The following BCL11B variants were observed in gnomAD, a reference collection of about 807,000 sequenced individuals.
The protein encoded by BCL11B is B-cell lymphoma/leukemia 11B.
Under a neutral mutation model 49.9 loss-of-function variants are expected in BCL11B, and 8 were observed. The ratio of observed to expected loss-of-function variants is 0.16; its 90% CI spans 0.09 to 0.29. The LOEUF (loss-of-function observed/expected upper bound fraction) is 0.29. Ranked by LOEUF, BCL11B falls within the 10% of genes least tolerant of loss-of-function variation. The pLI is 1.00. For synonymous variants in BCL11B, 739 were observed against 637.4 expected (o/e 1.16, Z -2.40); for missense variants, 1,006 against 1,351.0 (o/e 0.74, Z 4.00).
At chr14:99,240,294 A>C (rs1888623693) in intron 2 of BCL11B, among the ~76,000 whole-genome samples, 2 of 152,262 alleles carry the variant, frequency 1.3e-5, no homozygotes, top group Admixed American at 1.3e-4. Context: ...ATAGAATTAT[A>C]GGCAATTGAT....
At chr14:99,204,455 G>T (rs956007002) in intron 3 of BCL11B, among the ~76,000 whole-genome samples, 1 of 152,178 alleles carries the variant, frequency 6.6e-6, no homozygotes, top group Non-Finnish European at 1.5e-5. Flanking sequence ...TTGGGGTAGG[G>T]GGGAGGGAGG....
intron 2 of BCL11B, among the ~76,000 whole-genome samples, chr14:99,246,069 G>GC (rs1016181822): frequency 1.9e-4 from 28 of 147,620 alleles, no homozygotes; most frequent in African/African-American, 6.4e-4. Context: ...CATGCCCCCC[G>GC]CCCCCCAAAG....
chr14:99,227,623 C>T (rs1888195820), intron 3 of BCL11B, among the ~76,000 whole-genome samples: 2 of 152,198 alleles, frequency 1.3e-5, no homozygotes, highest in Admixed American at 1.3e-4. Flanking sequence ...CAGCTCCACA[C>T]TGACCTGTCT....
At chr14:99,224,532 C>T (rs17098426) in intron 3 of BCL11B, among the ~76,000 whole-genome samples, 2,410 of 152,278 alleles carry the variant, frequency 0.016, 32 homozygotes, top group South Asian at 0.059. Context: ...AGAGCTAAGT[C>T]GTCACTGGGG....
At chr14:99,267,336 G>GA (rs1288245706) in intron 1 of BCL11B, among the ~76,000 whole-genome samples, 1 of 152,086 alleles carries the variant, frequency 6.6e-6, no homozygotes, top group South Asian at 2.1e-4. Flanking sequence ...TTCAGGTAGG[G>GA]AAAAAAGACC....
intron 3 of BCL11B, among the ~76,000 whole-genome samples, chr14:99,188,773 G>C (rs1453784401): frequency 6.6e-6 from 1 of 152,244 alleles, no homozygotes; most frequent in African/African-American, 2.4e-5. Context: ...GGGAGCCCCA[G>C]CTGTACCACC....
chr14:99,225,812 G>A (rs1888143067), intron 3 of BCL11B, among the ~76,000 whole-genome samples: 1 of 152,206 alleles, frequency 6.6e-6, no homozygotes, highest in Admixed American at 6.5e-5. Context: ...GGAATCTGGC[G>A]AGGCTGCAGC....
chr14:99,262,708 A>G lies in BCL11B; in HGVS notation c.59-4869T>C, dbSNP rs73342800. ...CCATAATCTACGAAGAGATCTTTTC[A>G]TCTCCTCTCCGTGAACACTTGGGGA... is the stretch of plus-strand genomic sequence containing the variant. On this transcript the variant is annotated intron_variant, in intron 1 of 3. Coordinates refer to ENST00000357195, the MANE Select transcript of BCL11B (RefSeq NM_138576.4). The surrounding 1 kb of genome is among the most constrained non-coding windows in gnomAD (Gnocchi z 4.2). 9.7e-3 allele frequency among the ~76,000 whole-genome samples: 1,478 copies of G among 152,204 alleles called. 19 individuals are homozygous for G. The highest frequency in any genetic ancestry group is 0.034 in the African/African-American group (1,418 of 41,524).
In BCL11B at chr14:99,184,958, G is replaced by A. The variant is rs1886810563; in HGVS notation, c.641-8763C>T. 1.3e-5 allele frequency among the ~76,000 whole-genome samples: 2 copies of A among 152,098 alleles called. No homozygotes were observed. Among genetic ancestry groups the A allele is most frequent in the South Asian group, 4.1e-4 (2 of 4,828 alleles). ...TGGGCCTACACCCCTCAAACAAAGA[G>A]CCCCAGCATTCCCCTTGACAGCCAG... On this transcript the variant is annotated intron_variant, in intron 3 of 3. Transcript: ENST00000357195. The surrounding 1 kb of genome is among the most constrained non-coding windows in gnomAD (Gnocchi z 6.1).
At chr14:99,225,030 C>G (rs1311874364) in intron 3 of BCL11B, among the ~76,000 whole-genome samples, 1 of 152,174 alleles carries the variant, frequency 6.6e-6, no homozygotes, top group East Asian at 1.9e-4. Context: ...GTCCAAGGCA[C>G]CCAACGTGGG....
Position 99,231,699 on chromosome 14 carries a change from A to T in BCL11B, c.428-142T>A. 1 of 639,760 alleles carries T rather than the reference A, an allele frequency of 1.6e-6. No homozygotes were observed. 39.6% of individuals were successfully genotyped at this position (639,760 alleles called of 1,614,324 possible). On this transcript the variant is annotated intron_variant, in intron 2 of 3. Transcript: ENST00000357195. The surrounding 1 kb of genome is among the most constrained non-coding windows in gnomAD (Gnocchi z 8.1). ...AGGCCCCCGGGGTGCCAGGCCCTGC[A>T]GGGAAGGCAATCGGGACACAGGCGA... is the stretch of plus-strand genomic sequence containing the variant.
chr14:99,174,592 G>A lies in BCL11B; in HGVS notation c.2244C>T (p.Gly748=). 6.5e-7 allele frequency: 1 copy of A among 1,529,058 alleles called. No individual in the cohort carries two copies. 94.7% of individuals were successfully genotyped at this position (1,529,058 alleles called of 1,614,324 possible). Residue 748 remains glycine (G), a synonymous_variant, in exon 4 of 4, where the codon GGC becomes GGT. Coordinates refer to ENST00000357195, the MANE Select transcript of BCL11B (RefSeq NM_138576.4). Reference sequence around the variant, plus strand: ...CGGGCGGCGTGGAGAAGCGCAGGCTGCCGTTCTCGGACGAGTGCTCGGACG... The same window carrying A: ...CGGGCGGCGTGGAGAAGCGCAGGCTACCGTTCTCGGACGAGTGCTCGGACG... ...ATSSEHSSEN[G]SLRFSTPPGD...
chr14:99,239,615 G>T (rs1888604287), intron 2 of BCL11B, among the ~76,000 whole-genome samples: 1 of 152,126 alleles, frequency 6.6e-6, no homozygotes, highest in South Asian at 2.1e-4. Context: ...TTCAGATTGG[G>T]TGCCTACAGT....
At position 99,247,792 on chromosome 14, in the gene BCL11B, C is replaced by T. The variant is rs867558993; in HGVS notation, c.427+9679G>A. On this transcript the variant is annotated intron_variant, in intron 2 of 3. Transcript: ENST00000357195. This position sits in a 1 kb window ranked among gnomAD's most constrained non-coding sequence, Gnocchi z 4.5. ...TGCCTCTGGATTCATCTTCAGCAGA[C>T]GCTGACCCACGCACCTGTTTGCCTG... 5.3e-5 allele frequency among the ~76,000 whole-genome samples: 8 copies of T among 152,194 alleles called. No individual in the cohort carries two copies. The highest frequency in any genetic ancestry group is 1.4e-4 in the African/African-American group (6 of 41,450).
intron 1 of BCL11B, among the ~76,000 whole-genome samples, chr14:99,260,699 G>C (rs1208558240): frequency 6.7e-6 from 1 of 148,572 alleles, no homozygotes; most frequent in Non-Finnish European, 1.5e-5. Context: ...TCCTTTTTTT[G>C]GCAGTCTCTG....
intron 2 of BCL11B, among the ~76,000 whole-genome samples, chr14:99,252,684 C>T (rs982087597): frequency 6.6e-6 from 1 of 152,264 alleles, no homozygotes; most frequent in East Asian, 1.9e-4. Flanking sequence ...TCTGCCACCT[C>T]CTGTCACCTG....
chr14:99,198,528 T>G, intron 3 of BCL11B, among the ~76,000 whole-genome samples: 1 of 152,148 alleles, frequency 6.6e-6, no homozygotes, highest in Non-Finnish European at 1.5e-5. Context: ...CACTCTCTTT[T>G]CCATGATTAT....
intron 3 of BCL11B, among the ~76,000 whole-genome samples, chr14:99,208,131 C>T (rs1887587250): frequency 1.3e-5 from 2 of 152,180 alleles, no homozygotes; most frequent in Admixed American, 6.5e-5. Context: ...ATGCATGTTG[C>T]AATGAGGAGT....
At chr14:99,204,280 G>A (rs1187704307) in intron 3 of BCL11B, among the ~76,000 whole-genome samples, 1 of 152,170 alleles carries the variant, frequency 6.6e-6, no homozygotes, top group Non-Finnish European at 1.5e-5. Context: ...GTCTTTCCAG[G>A]GGGTCTGGAA....
Sources: gnomAD v4.1 joint callset for allele counts (sites outside exome capture counted in the v4.1 genomes callset) on GRCh38, gnomAD v4.1.1 for gene constraint, Gnocchi (gnomAD v3.1) non-coding constraint, MANE v1.5 for transcripts, NCBI Gene and HGNC (gene_info 2026-07-23, HGNC 2026-07-21) for gene names.